Variants in SLC38A1 observed in about 807,000 individuals in gnomAD.
SLC38A1 encodes the protein sodium-coupled neutral amino acid symporter 1.
In SLC38A1, 18 loss-of-function variants were observed where a neutral mutation model predicts 60.3. The ratio of observed to expected loss-of-function variants is 0.30; its 90% CI spans 0.21 to 0.44. The LOEUF (loss-of-function observed/expected upper bound fraction) is 0.44, where lower values mean the gene tolerates loss of function less well. Ranked by LOEUF, SLC38A1 falls within the 20% of genes least tolerant of loss-of-function variation. The probability of loss-of-function intolerance (pLI) is 1.00; values close to 1 mark genes in which losing one functional copy is unlikely to be tolerated. For missense variants in SLC38A1, 448 were observed against 587.2 expected, an observed-to-expected ratio of 0.76 and a Z score of 2.45; for synonymous variants, 196 against 212.1, an observed-to-expected ratio of 0.92 and a Z score of 0.66.
In SLC38A1 at chr12:46,198,039, G is replaced by A. The variant is rs761618522; in HGVS notation, c.1144C>T (p.Leu382=). Residue 382 remains leucine, a synonymous_variant, in exon 15 of 17, where the codon CTG becomes TTG. Coordinates refer to ENST00000398637, the MANE Select transcript of SLC38A1 (RefSeq NM_030674.4). The part of the protein sequence containing the change: ...FFTVRSSLFE[L]AKKTKFNLCR... ...AAATTAAACTTTGTTTTCTTAGCCA[G>A]TTCAAATAAAGATGAACGAACCTGC... is the stretch of plus-strand genomic sequence containing the variant. 1.2e-6 allele frequency: 2 copies of A among 1,613,772 alleles called. No homozygotes were observed. Among genetic ancestry groups the A allele is most frequent in the East Asian group, 4.5e-5 (2 of 44,786 alleles).
intron 1 of SLC38A1, among the ~76,000 whole-genome samples, chr12:46,255,991 C>A (rs1942006216): frequency 6.6e-6 from 1 of 151,864 alleles, no homozygotes; most frequent in Non-Finnish European, 1.5e-5. Context: ...GTGAAAGAAA[C>A]CCTGTCTCTA....
At chr12:46,263,530 C>T (rs1942262011) in intron 1 of SLC38A1, among the ~76,000 whole-genome samples, 1 of 152,124 alleles carries the variant, frequency 6.6e-6, no homozygotes, top group Non-Finnish European at 1.5e-5. Context: ...GCTCTCTAGC[C>T]ACCAGTTTGC....
chr12:46,225,049 G>A (rs1348018673), intron 5 of SLC38A1, among the ~76,000 whole-genome samples: 5 of 152,088 alleles, frequency 3.3e-5, no homozygotes, highest in Non-Finnish European at 7.4e-5. Context: ...TGATATCCCA[G>A]TAAAAAGATT....
At chr12:46,216,524 T>C (rs773703558) in intron 5 of SLC38A1, among the ~76,000 whole-genome samples, 1 of 152,100 alleles carries the variant, frequency 6.6e-6, no homozygotes, top group Non-Finnish European at 1.5e-5. Context: ...GCAATGCCAA[T>C]GGAAGACTTA....
At chr12:46,235,095 T>C (rs899325023) in intron 3 of SLC38A1, among the ~76,000 whole-genome samples, 1 of 152,170 alleles carries the variant, frequency 6.6e-6, no homozygotes, top group African/African-American at 2.4e-5. Flanking sequence ...TGGGTGACCC[T>C]GAACAGACAA....
At chr12:46,225,532 G>A (rs1163315696) in intron 5 of SLC38A1, among the ~76,000 whole-genome samples, 24 of 152,096 alleles carry the variant, frequency 1.6e-4, no homozygotes, top group Non-Finnish European at 3.1e-4. Flanking sequence ...GAAAGATGGC[G>A]GTGAGGTCTA....
In SLC38A1 at chr12:46,208,994, A is replaced by G. The variant is rs1940030718; in HGVS notation, c.388+60T>C. The G allele has an allele frequency of 2.5e-5, 29 of 1,175,846 alleles. No individual in the cohort carries two copies. In the South Asian group the frequency reaches 2.9e-4, roughly 12 times the overall value. The allele number at this position is 1,175,846 out of a possible 1,614,324, so 72.8% of individuals were successfully genotyped here. ...ACAGAGAGAACATCATTGTTCCACAATGCTACCATAAAAATAATTCACCCT... is the reference window on the plus strand; with the variant it reads ...ACAGAGAGAACATCATTGTTCCACAGTGCTACCATAAAAATAATTCACCCT... On this transcript the variant is annotated intron_variant, in intron 6 of 16. Transcript: ENST00000398637.
intron 1 of SLC38A1, among the ~76,000 whole-genome samples, chr12:46,251,200 A>C (rs1941825963): frequency 6.6e-6 from 1 of 152,200 alleles, no homozygotes; most frequent in Non-Finnish European, 1.5e-5. Flanking sequence ...ACACATCTAC[A>C]ACCATCTGAT....
rs1442949500 is a variant in SLC38A1 at position 46,187,630 on chromosome 12, A to G, written c.*1340T>C. The G allele has an allele frequency of 6.6e-6, 1 of 152,128 alleles. No individual in the cohort carries two copies. Among genetic ancestry groups the G allele is most frequent in the Admixed American group, 6.6e-5 (1 of 15,254 alleles). 9.4% of individuals were successfully genotyped at this position (152,128 alleles called of 1,614,324 possible). A position where few individuals can be genotyped will look rare whatever the true frequency, so the allele number is the denominator to read the frequency against. On this transcript the variant is annotated 3_prime_UTR_variant, in exon 17 of 17. Coordinates refer to ENST00000398637, the MANE Select transcript of SLC38A1 (RefSeq NM_030674.4). Reference sequence around the variant, plus strand: ...CAGGCAACTCTGTCCTCCTGCATGGACAGTTGAGACGGGCAGTAATGGCAC... The same window carrying G: ...CAGGCAACTCTGTCCTCCTGCATGGGCAGTTGAGACGGGCAGTAATGGCAC...
At chr12:46,230,503 T>C (rs557933149) in intron 3 of SLC38A1, among the ~76,000 whole-genome samples, 1 of 152,250 alleles carries the variant, frequency 6.6e-6, no homozygotes, top group South Asian at 2.1e-4. Flanking sequence ...CTTATCAAGT[T>C]ATTGGGAGAC....
chr12:46,190,068 G>A (rs868400051), intron 16 of SLC38A1, among the ~76,000 whole-genome samples: 17 of 151,984 alleles, frequency 1.1e-4, no homozygotes, highest in African/African-American at 2.7e-4. Flanking sequence ...GGTATTTCTC[G>A]TAATGCTATC....
In SLC38A1 at chr12:46,196,321, T is replaced by C. The variant is rs774396214; in HGVS notation, c.1362+1399A>G. On this transcript the variant is annotated intron_variant, in intron 16 of 16. Coordinates refer to ENST00000398637, the MANE Select transcript of SLC38A1 (RefSeq NM_030674.4). ...AATTGGGGGTTGACATGGCTGCACA[T>C]GGCATACCATCCTGGGTCCAGTCTA... 7.8e-6 allele frequency: 12 copies of C among 1,532,602 alleles called. No homozygotes were observed. In the South Asian group the frequency reaches 1.4e-4, roughly 18 times the overall value. 94.9% of individuals were successfully genotyped at this position (1,532,602 alleles called of 1,614,324 possible). A position where few individuals can be genotyped will look rare whatever the true frequency, so the allele number is the denominator to read the frequency against.
intron 3 of SLC38A1, chr12:46,239,231 TTATATCTTCAAATGGAACATAACTTTAG>T (rs1941359146): frequency 6.5e-6 from 1 of 152,744 alleles, no homozygotes; most frequent in African/African-American, 2.4e-5. Flanking sequence ...GAAATTCAAA[TTATATCTTCAAATGGAACATAACTTTAG>T]TAATGAATAA....
intron 1 of SLC38A1, among the ~76,000 whole-genome samples, chr12:46,255,944 A>C (rs1282866930): frequency 6.6e-6 from 1 of 152,154 alleles, no homozygotes; most frequent in Admixed American, 6.6e-5. Flanking sequence ...CGGGTGGATC[A>C]CAAGGTCAGG....
chr12:46,212,475 G>C (rs1940218683), intron 5 of SLC38A1, among the ~76,000 whole-genome samples: 1 of 152,248 alleles, frequency 6.6e-6, no homozygotes. Flanking sequence ...CCAAGGTGTT[G>C]ATATTTCAGA....
intron 1 of SLC38A1, among the ~76,000 whole-genome samples, chr12:46,247,795 G>T (rs917043185): frequency 6.6e-6 from 1 of 152,166 alleles, no homozygotes; most frequent in African/African-American, 2.4e-5. Context: ...GAAAGGTCGG[G>T]TTACCCACAA....
At chr12:46,189,175 C>A (rs1007463961) in intron 16 of SLC38A1, 104 bp from the exon 17 acceptor site, 2 of 751,542 alleles carry the variant, frequency 2.7e-6, no homozygotes, top group African/African-American at 1.7e-5. Flanking sequence ...TTTGTGTCCT[C>A]TGGTATTCAG....
At chr12:46,267,115 G>A (rs919916319) in intron 1 of SLC38A1, 2 of 152,110 alleles carry the variant, frequency 1.3e-5, no homozygotes, top group African/African-American at 4.8e-5. Context: ...ACCCTCGCTG[G>A]GCCCTGCATT....
At chr12:46,262,353 G>T (rs1345326456) in intron 1 of SLC38A1, among the ~76,000 whole-genome samples, 10 of 151,658 alleles carry the variant, frequency 6.6e-5, no homozygotes, top group Admixed American at 4.6e-4. Context: ...ACTGGATATA[G>T]GAGGACAGAC....
Sources: gnomAD v4.1 joint callset for allele counts (sites outside exome capture counted in the v4.1 genomes callset) on GRCh38, gnomAD v4.1.1 for gene constraint, MANE v1.5 for transcripts, NCBI Gene and HGNC (gene_info 2026-07-23, HGNC 2026-07-21) for gene names.